The following TRPS1 variants were observed in gnomAD, a reference collection of about 807,000 sequenced individuals.
TRPS1 encodes the protein transcriptional repressor GATA binding 1.
A neutral mutation model predicts 101.2 loss-of-function variants in TRPS1; 6 were observed. That is an observed-to-expected ratio of 0.06 (90% CI 0.03 to 0.12). The LOEUF (loss-of-function observed/expected upper bound fraction) is 0.12. Ranked by LOEUF, TRPS1 falls within the 10% of genes least tolerant of loss-of-function variation. The probability of loss-of-function intolerance (pLI) is 1.00; values close to 1 mark genes in which losing one functional copy is unlikely to be tolerated. For synonymous variants in TRPS1, 578 were observed against 589.8 expected, an observed-to-expected ratio of 0.98 and a Z score of 0.29; for missense variants, 1,363 against 1,567.0, an observed-to-expected ratio of 0.87 and a Z score of 2.20.
At position 115,411,038 on chromosome 8, in the gene TRPS1, T is replaced by C. The variant is rs1586245922; in HGVS notation, c.*2985A>G. ...AGGCTTTAATATGTCAAAAAAGGAG[T>C]GTTTAGTGTTATAATAAATTTTTGT... On this transcript the variant is annotated 3_prime_UTR_variant, in exon 7 of 7. Coordinates refer to ENST00000395715, the MANE Select transcript of TRPS1 (RefSeq NM_014112.5). 2.0e-5 allele frequency: 3 copies of C among 151,156 alleles called. No homozygotes were observed. Among genetic ancestry groups the C allele is most frequent in the Admixed American group, 2.0e-4 (3 of 15,126 alleles). 9.4% of individuals were successfully genotyped at this position (151,156 alleles called of 1,614,324 possible). A position where few individuals can be genotyped will look rare whatever the true frequency, so the allele number is the denominator to read the frequency against.
chr8:115,438,999 A>G (rs528636353), intron 5 of TRPS1, among the ~76,000 whole-genome samples: 28 of 152,290 alleles, frequency 1.8e-4, no homozygotes, highest in African/African-American at 6.5e-4. Context: ...ACCAGTGTGG[A>G]GTCTACTCAC....
chr8:115,566,156 A>C (rs561699525), intron 5 of TRPS1, among the ~76,000 whole-genome samples: 1 of 152,282 alleles, frequency 6.6e-6, no homozygotes, highest in South Asian at 2.1e-4. Context: ...GAATATCTAC[A>C]TGTAGTCTGT....
chr8:115,500,751 T>C (rs1815297103), intron 5 of TRPS1, among the ~76,000 whole-genome samples: 1 of 151,850 alleles, frequency 6.6e-6, no homozygotes, highest in African/African-American at 2.4e-5. Context: ...TTTGTGTGTG[T>C]TTTTAGTAGA....
At chr8:115,630,291 G>T (rs1818610335) in intron 1 of TRPS1, among the ~76,000 whole-genome samples, 1 of 151,802 alleles carries the variant, frequency 6.6e-6, no homozygotes, top group African/African-American at 2.4e-5. Context: ...CACTTGTTAA[G>T]TATTTTGTAT....
At position 115,413,010 on chromosome 8, in the gene TRPS1, C is replaced by T. The variant is rs1307659866; in HGVS notation, c.*1013G>A. The T allele has an allele frequency of 6.6e-6, 1 of 152,340 alleles. No individual in the cohort carries two copies. Among genetic ancestry groups the T allele is most frequent in the Non-Finnish European group, 1.5e-5 (1 of 67,970 alleles). The allele number at this position is 152,340 out of a possible 1,614,324, so 9.4% of individuals were successfully genotyped here. A position where few individuals can be genotyped will look rare whatever the true frequency, so the allele number is the denominator to read the frequency against. ...ACAAAGTTTGGAAATTATATTTAACCAAAAGAAAATAAATAAATACAGCAG... is the reference window on the plus strand; with the variant it reads ...ACAAAGTTTGGAAATTATATTTAACTAAAAGAAAATAAATAAATACAGCAG... On this transcript the variant is annotated 3_prime_UTR_variant, in exon 7 of 7. Transcript: ENST00000395715.
intron 4 of TRPS1, among the ~76,000 whole-genome samples, chr8:115,599,246 T>C: frequency 6.6e-6 from 1 of 152,192 alleles, no homozygotes; most frequent in Non-Finnish European, 1.5e-5. Flanking sequence ...TGTAGTTTAA[T>C]CAATCCATAT....
intron 3 of TRPS1, among the ~76,000 whole-genome samples, chr8:115,616,985 A>G (rs1228406357): frequency 6.6e-6 from 1 of 152,214 alleles, no homozygotes; most frequent in African/African-American, 2.4e-5. Flanking sequence ...CTAATAAGTT[A>G]CTTATCTTCA....
At position 115,599,573 on chromosome 8, in the gene TRPS1, A is replaced by T. The variant is rs1419537743; in HGVS notation, c.2096+4300T>A. On this transcript the variant is annotated intron_variant, in intron 4 of 6. Transcript: ENST00000395715. Reference sequence around the variant, plus strand: ...TGTTCTCATTGTTCAACTCCCACTTATAAGTGAGAACATGCGGTGTTTGGT... The same window carrying T: ...TGTTCTCATTGTTCAACTCCCACTTTTAAGTGAGAACATGCGGTGTTTGGT... Among the ~76,000 whole-genome samples the T allele has an allele frequency of 2.6e-5, 4 of 152,174 alleles. No individual in the cohort carries two copies. In the East Asian group the frequency reaches 5.8e-4, roughly 22 times the overall value.
intron 3 of TRPS1, among the ~76,000 whole-genome samples, chr8:115,611,025 G>T (rs1818149830): frequency 6.6e-6 from 1 of 151,566 alleles, no homozygotes; most frequent in Non-Finnish European, 1.5e-5. Flanking sequence ...GCTGAGGTGG[G>T]AGAATCGCTT....
At chr8:115,667,940 G>T (rs1811964121) in intron 1 of TRPS1, 3 of 1,532,980 alleles carry the variant, frequency 2.0e-6, no homozygotes, top group Admixed American at 2.0e-5. Flanking sequence ...TTGCAGTGGC[G>T]GCGGCGGCGG....
At chr8:115,651,751 A>G (rs572950676) in intron 1 of TRPS1, among the ~76,000 whole-genome samples, 15 of 152,312 alleles carry the variant, frequency 9.8e-5, no homozygotes, top group Admixed American at 8.5e-4. Flanking sequence ...AGGAACAGAT[A>G]GAATCCCTGT....
In TRPS1 at chr8:115,590,228, A is replaced by G. The variant is rs183564849; in HGVS notation, c.2097-2624T>C. 2.4e-4 allele frequency among the ~76,000 whole-genome samples: 37 copies of G among 152,330 alleles called. No individual in the cohort carries two copies. In the East Asian group the frequency reaches 6.8e-3, roughly 28 times the overall value. On this transcript the variant is annotated intron_variant, in intron 4 of 6. Coordinates refer to ENST00000395715, the MANE Select transcript of TRPS1 (RefSeq NM_014112.5). Reference sequence around the variant, plus strand: ...CCCTACTGAATATATTCTACACAATATATTGAGTCATGGAAATTAAAACAG... The same window carrying G: ...CCCTACTGAATATATTCTACACAATGTATTGAGTCATGGAAATTAAAACAG...
At chr8:115,588,233 T>G (rs1276055624) in intron 4 of TRPS1, among the ~76,000 whole-genome samples, 5 of 152,114 alleles carry the variant, frequency 3.3e-5, no homozygotes, top group East Asian at 3.8e-4. Context: ...AAAAAAGAAA[T>G]AAAGTGTTCT....
intron 5 of TRPS1, among the ~76,000 whole-genome samples, chr8:115,525,031 TC>T (rs1815961200): frequency 1.1e-5 from 1 of 91,960 alleles, no homozygotes; most frequent in Non-Finnish European, 2.1e-5. Flanking sequence ...TAGAAGTACA[TC>T]TTTTAAAGAT....
intron 5 of TRPS1, among the ~76,000 whole-genome samples, chr8:115,566,968 A>G (rs1002309552): frequency 6.6e-5 from 10 of 152,114 alleles, no homozygotes; most frequent in Non-Finnish European, 1.2e-4. Context: ...CTAATACCAT[A>G]TATGTTTGTA....
intron 3 of TRPS1, among the ~76,000 whole-genome samples, chr8:115,607,424 GTT>G (rs1161396324): frequency 2.1e-5 from 3 of 139,866 alleles, no homozygotes; most frequent in Non-Finnish European, 1.6e-5. Flanking sequence ...GTCTAGATGT[GTT>G]TTTTTTTTTT....
At chr8:115,621,824 G>C (rs1464258870) in intron 2 of TRPS1, among the ~76,000 whole-genome samples, 2 of 151,840 alleles carry the variant, frequency 1.3e-5, no homozygotes, top group African/African-American at 2.4e-5. Flanking sequence ...GCTGAGGCAG[G>C]AGAACTGCTT....
In TRPS1 at chr8:115,413,771, T is replaced by C; in HGVS notation, c.*252A>G. 2.1e-6 allele frequency: 1 copy of C among 483,256 alleles called. No individual in the cohort carries two copies. The highest frequency in any genetic ancestry group is 3.7e-6 in the Non-Finnish European group (1 of 271,064). 29.9% of individuals were successfully genotyped at this position (483,256 alleles called of 1,614,324 possible). On this transcript the variant is annotated 3_prime_UTR_variant, in exon 7 of 7. Coordinates refer to ENST00000395715, the MANE Select transcript of TRPS1 (RefSeq NM_014112.5). The stretch of plus-strand genomic sequence containing the variant: ...TTTCCCCAGTACATATTAGCCAAGA[T>C]GGTTTTGACTTAACAGGTTTTAAAA...
intron 5 of TRPS1, among the ~76,000 whole-genome samples, chr8:115,521,136 C>T (rs968156949): frequency 1.4e-4 from 15 of 108,130 alleles, no homozygotes; most frequent in African/African-American, 2.5e-4. Flanking sequence ...CTTTCTTATC[C>T]CAACTCTATG....
Sources: gnomAD v4.1 joint callset for allele counts (sites outside exome capture counted in the v4.1 genomes callset) on GRCh38, gnomAD v4.1.1 for gene constraint, MANE v1.5 for transcripts, NCBI Gene and HGNC (gene_info 2026-07-23, HGNC 2026-07-21) for gene names.